The following ZZEF1 variants were observed in gnomAD, a reference collection of about 807,000 sequenced individuals.
The protein encoded by ZZEF1 is zinc finger ZZ-type and EF-hand domain-containing protein 1.
ZZEF1 carries 157 observed loss-of-function variants against 342.8 expected under a neutral mutation model. The ratio of observed to expected loss-of-function variants is 0.46; its 90% CI spans 0.40 to 0.52. The LOEUF is 0.52. ZZEF1 is among the 20% of genes least tolerant of loss of function. The pLI is 0.00. For missense variants in ZZEF1, 3,480 were observed against 3,725.6 expected (o/e 0.93, Z 1.72); for synonymous variants, 1,505 against 1,429.1 (o/e 1.05, Z -1.20).
intron 52 of ZZEF1, among the ~76,000 whole-genome samples, chr17:4,010,709 T>A: frequency 8.6e-6 from 1 of 116,236 alleles, no homozygotes; most frequent in African/African-American, 3.6e-5. Flanking sequence ...CAAGTGACAG[T>A]GTGAGATTCC....
Position 4,016,579 on chromosome 17 carries a change from G to A in ZZEF1, c.8002-113C>T. The A allele has an allele frequency of 7.5e-7, 1 of 1,329,702 alleles. No individual in the cohort carries two copies. The highest frequency in any genetic ancestry group is 1.0e-6 in the Non-Finnish European group (1 of 998,332). The allele number at this position is 1,329,702 out of a possible 1,614,324, so 82.4% of individuals were successfully genotyped here. On this transcript the variant is annotated intron_variant, in intron 48 of 54. Transcript: ENST00000381638. The surrounding 1 kb of genome is among the most constrained non-coding windows in gnomAD (Gnocchi z 4.4). ...GGTGCTGGCATCATCTTAGACCTAG[G>A]ACGAGCCTCTGTGACTCCACCACCC...
At chr17:4,112,460 T>C (rs1195322312) in intron 5 of ZZEF1, 149 bp downstream of exon 5, 1 of 885,962 alleles carries the variant, frequency 1.1e-6, no homozygotes, top group East Asian at 2.7e-5. Flanking sequence ...TTCTATAATT[T>C]CTACAACACT....
At chr17:4,133,701 AAT>A (rs1176167420) in intron 1 of ZZEF1, among the ~76,000 whole-genome samples, 5 of 151,810 alleles carry the variant, frequency 3.3e-5, no homozygotes, top group African/African-American at 7.3e-5. Flanking sequence ...AGGCTATAAA[AAT>A]ACTGACATTT....
In ZZEF1 at chr17:4,062,834, G is replaced by T. The variant is rs780689966; in HGVS notation, c.4802C>A (p.Ser1601Tyr). The T allele has an allele frequency of 1.2e-6, 2 of 1,613,654 alleles. No homozygotes were observed. The highest frequency in any genetic ancestry group is 4.5e-5 in the East Asian group (2 of 44,882). The part of the protein sequence containing the change: ...VLKITQHCAE[S>Y]LGQPHCFHPP... Reference sequence around the variant, plus strand: ...ATGGAAGCAGTGGGGCTGCCCAAGGGATTCTGCACAGTGCTGAGTTATCTT... The same window carrying T: ...ATGGAAGCAGTGGGGCTGCCCAAGGTATTCTGCACAGTGCTGAGTTATCTT... The change falls in exon 30 of 55, where the codon TCC (serine) becomes TAC (tyrosine). Residue 1601 changes from serine (S) to tyrosine (Y), a missense_variant. Physicochemically the swap from Ser to Tyr is moderately radical, Grantham distance 144 (BLOSUM62 -2). This residue lies in a region of ZZEF1 where 1,528 missense variants were observed against 1,624.1 expected (regional missense o/e 0.94). Transcript: ENST00000381638.
Position 4,086,520 on chromosome 17 carries a change from C to T in ZZEF1, c.2478G>A (p.Glu826=), listed in dbSNP as rs751857742. The change falls in exon 15 of 55, where the codon GAG becomes GAA. Residue 826 remains glutamate (E), a synonymous_variant. Coordinates refer to ENST00000381638, the MANE Select transcript of ZZEF1 (RefSeq NM_015113.4). ...AGTGTGTGTACAGCTCCTTGGCAGC[C>T]TCTACTCCTTTAGGGCTTTGGATTG... ...KAPIQSPKGV[E]AAKELYTHLC... The T allele has an allele frequency of 6.2e-7, 1 of 1,614,222 alleles. No homozygotes were observed. The highest frequency in any genetic ancestry group is 1.1e-5 in the South Asian group (1 of 91,084).
At position 4,112,647 on chromosome 17, in the gene ZZEF1, T is replaced by C. The variant is rs986142384; in HGVS notation, c.1028A>G (p.Tyr343Cys). ...DVHIPSNVTGYVTLLENANVS... is the reference protein window; with the variant it reads ...DVHIPSNVTGCVTLLENANVS... The stretch of plus-strand genomic sequence containing the variant: ...GTTGGCATTTTCCAGCAGCGTCACA[T>C]AGCCAGTGACATTGCTGGGGATGTG... The change falls in exon 5 of 55, where the codon TAT (tyrosine) becomes TGT (cysteine). Residue 343 changes from tyrosine to cysteine, a missense_variant. By Grantham distance (194) the Tyr-to-Cys change is radical. Transcript: ENST00000381638. The C allele has an allele frequency of 6.2e-7, 1 of 1,614,110 alleles. No homozygotes were observed. The highest frequency in any genetic ancestry group is 8.5e-7 in the Non-Finnish European group (1 of 1,180,044).
chr17:4,120,700 G>A (rs561767571), intron 2 of ZZEF1, among the ~76,000 whole-genome samples: 1 of 152,310 alleles, frequency 6.6e-6, no homozygotes, highest in South Asian at 2.1e-4. Context: ...CCACATTTCA[G>A]GAGGCCAAGG....
chr17:4,113,440 A>G (rs2058345830), intron 4 of ZZEF1, among the ~76,000 whole-genome samples: 1 of 152,204 alleles, frequency 6.6e-6, no homozygotes, highest in African/African-American at 2.4e-5. Context: ...CTGTAATCCC[A>G]GCACTTTGAG....
intron 11 of ZZEF1, among the ~76,000 whole-genome samples, chr17:4,093,200 T>C (rs8066580): frequency 0.17 from 25,328 of 152,116 alleles, 2,174 homozygotes; most frequent in East Asian, 0.18. Flanking sequence ...AAATGACCCA[T>C]TTTAATTTGT....
chr17:4,090,836 A>G lies in ZZEF1; in HGVS notation c.1914-6T>C. On this transcript the variant is annotated splice_region_variant and splice_polypyrimidine_tract_variant and intron_variant, in intron 11 of 54. Coordinates refer to ENST00000381638, the MANE Select transcript of ZZEF1 (RefSeq NM_015113.4). ...CATCAGATGAGCAACCAATCCTGTA[A>G]AGACAAGAGTATTCACAAAACATTT... The G allele has an allele frequency of 6.2e-7, 1 of 1,608,334 alleles. No individual in the cohort carries two copies. The highest frequency in any genetic ancestry group is 8.5e-7 in the Non-Finnish European group (1 of 1,174,962).
chr17:4,048,319 A>G (rs1229650247), intron 37 of ZZEF1, among the ~76,000 whole-genome samples: 2 of 152,276 alleles, frequency 1.3e-5, no homozygotes, highest in Admixed American at 6.5e-5. Context: ...AAAAATGTTG[A>G]TGTTTCTGCT....
chr17:4,109,918 T>C (rs1466076140), intron 5 of ZZEF1, 55 bp from the exon 6 acceptor site: 10 of 1,585,220 alleles, frequency 6.3e-6, no homozygotes, highest in Non-Finnish European at 8.6e-6. Flanking sequence ...AGGCAAATGC[T>C]GGGCTCCCAA....
chr17:4,078,833 T>C (rs1422407709), intron 18 of ZZEF1, among the ~76,000 whole-genome samples: 1 of 152,232 alleles, frequency 6.6e-6, no homozygotes, highest in Admixed American at 6.5e-5. Flanking sequence ...TTTGTTGAAT[T>C]TGATAGATTC....
rs1487229019 is a variant in ZZEF1 at position 4,088,665 on chromosome 17, G to A, written c.2241+13C>T. ...CCTAAAGGAATGCCGTCTAACAACTGAGGAAGCCCTACCAGGTCATGGGCG... is the reference window on the plus strand; with the variant it reads ...CCTAAAGGAATGCCGTCTAACAACTAAGGAAGCCCTACCAGGTCATGGGCG... On this transcript the variant is annotated intron_variant, in intron 13 of 54. Coordinates refer to ENST00000381638, the MANE Select transcript of ZZEF1 (RefSeq NM_015113.4). The A allele has an allele frequency of 6.2e-7, 1 of 1,612,712 alleles. No homozygotes were observed. Among genetic ancestry groups the A allele is most frequent in the South Asian group, 1.1e-5 (1 of 90,950 alleles).
chr17:4,050,719 C>T, intron 36 of ZZEF1, 62 bp downstream of exon 36: 1 of 1,604,248 alleles, frequency 6.2e-7, no homozygotes, highest in Non-Finnish European at 8.5e-7. Context: ...TTTACATTTG[C>T]CAAGGCTTTT....
chr17:4,032,410 G>T lies in ZZEF1; in HGVS notation c.6760-152C>A, dbSNP rs372225808. On this transcript the variant is annotated intron_variant, in intron 41 of 54. Coordinates refer to ENST00000381638, the MANE Select transcript of ZZEF1 (RefSeq NM_015113.4). The stretch of plus-strand genomic sequence containing the variant: ...TCTCATCTCTAAGTCCAAAGAGTCT[G>T]CCACAGGCTGGCACAGAATTGGTTT... 1.0e-5 allele frequency: 9 copies of T among 886,114 alleles called. No individual in the cohort carries two copies. In the East Asian group the frequency reaches 1.9e-4, roughly 19 times the overall value. 54.9% of individuals were successfully genotyped at this position (886,114 alleles called of 1,614,324 possible). A position where few individuals can be genotyped will look rare whatever the true frequency, so the allele number is the denominator to read the frequency against.
At position 4,137,609 on chromosome 17, in the gene ZZEF1, A is replaced by AAAT. The variant is rs546133221; in HGVS notation, c.354+4930_354+4932dup. Reference sequence around the variant, plus strand: ...CCTGGGCAACAGAGACTCTGTCTCAAAATAATAATAATAATAATCTCCACT... The same window carrying AAAT: ...CCTGGGCAACAGAGACTCTGTCTCAAAATAATAATAATAATAATAATCTCCACT... On this transcript the variant is annotated intron_variant, in intron 1 of 54. Transcript: ENST00000381638. Among the ~76,000 whole-genome samples, 38 of 152,186 alleles carry AAAT rather than the reference A, an allele frequency of 2.5e-4. No individual in the cohort carries two copies. The South Asian group carries it at 4.6e-3, about 18-fold the overall frequency.
At chr17:4,071,769 A>G (rs1296986259) in intron 25 of ZZEF1, among the ~76,000 whole-genome samples, 1 of 152,172 alleles carries the variant, frequency 6.6e-6, no homozygotes, top group Non-Finnish European at 1.5e-5. Context: ...GAGTCAGGAC[A>G]TTTAAATGGA....
At chr17:4,128,345 T>TAA (rs74340131) in intron 1 of ZZEF1, among the ~76,000 whole-genome samples, 17 of 81,550 alleles carry the variant, frequency 2.1e-4, no homozygotes, top group East Asian at 7.3e-4. Context: ...CAGACTGTCT[T>TAA]AAAAAAAAAA....
Sources: allele counts gnomAD v4.1 joint callset (sites outside exome capture counted in the v4.1 genomes callset), GRCh38; gene constraint gnomAD v4.1.1; regional missense constraint gnomAD v4.1.1; non-coding constraint Gnocchi (gnomAD v3.1); transcripts MANE v1.5; gene names NCBI Gene and HGNC (gene_info 2026-07-23, HGNC 2026-07-21).